Variants in SUPT5H observed in about 807,000 individuals in gnomAD.
The protein encoded by SUPT5H is SPT5 homolog, DSIF elongation factor subunit.
SUPT5H carries 24 observed loss-of-function variants against 142.5 expected under a neutral mutation model. The observed-to-expected ratio is 0.17, with a 90% CI of 0.12 to 0.24. The LOEUF (loss-of-function observed/expected upper bound fraction) is 0.24, where lower values mean the gene tolerates loss of function less well. Among genes scored for constraint, SUPT5H ranks in the 10% least tolerant of loss-of-function variants. The probability of loss-of-function intolerance (pLI) is 1.00; values close to 1 mark genes in which losing one functional copy is unlikely to be tolerated. For missense variants in SUPT5H, 893 were observed against 1,471.8 expected (o/e 0.61, Z 6.43); for synonymous variants, 546 against 553.0 (o/e 0.99, Z 0.18).
rs2079215916 is a variant in SUPT5H, at chr19:39,464,977, G to A, written c.804G>A (p.Lys268=). Residue 268 remains lysine (K), a synonymous_variant, in exon 11 of 30, where the codon AAG becomes AAA. Coordinates refer to ENST00000432763, the MANE Select transcript of SUPT5H (RefSeq NM_001111020.3). ...TGACAGACGTGCTCAAAGTGGTGAA[G>A]GAGGTGGCCAACCTGAAACCAAAGT... The part of the protein sequence containing the change: ...KEMTDVLKVV[K]EVANLKPKSW... 6.2e-7 allele frequency: 1 copy of A among 1,614,160 alleles called. No individual in the cohort carries two copies. Among genetic ancestry groups the A allele is most frequent in the African/African-American group, 1.3e-5 (1 of 74,950 alleles).
rs200417328 is a variant in SUPT5H, at chr19:39,472,844, C to G, written c.2070C>G (p.Gly690=). Residue 690 remains glycine (G), a synonymous_variant, in exon 22 of 30, where the codon GGC becomes GGG. Transcript: ENST00000432763. The surrounding 1 kb of genome is among the most constrained non-coding windows in gnomAD (Gnocchi z 4.2). The part of the protein sequence containing the change: ...QRGGFGSPGG[G]SGGMSRGRGR... ...GCGGCTTTGGTAGCCCAGGTGGCGGCAGTGGTGGCATGAGCAGGGGCCGGG... is the reference window on the plus strand; with the variant it reads ...GCGGCTTTGGTAGCCCAGGTGGCGGGAGTGGTGGCATGAGCAGGGGCCGGG... The G allele has an allele frequency of 6.2e-7, 1 of 1,613,580 alleles. No individual in the cohort carries two copies. The highest frequency in any genetic ancestry group is 2.2e-5 in the East Asian group (1 of 44,876).
In SUPT5H at chr19:39,472,544, G is replaced by T; in HGVS notation, c.2035+51G>T. The stretch of plus-strand genomic sequence containing the variant: ...TGTGGTGGGTAGAAGGGGCTGGAAG[G>T]AACTTGGTTGTTCAGCCTACACTCA... On this transcript the variant is annotated intron_variant, in intron 21 of 29. Coordinates refer to ENST00000432763, the MANE Select transcript of SUPT5H (RefSeq NM_001111020.3). This position sits in a 1 kb window ranked among gnomAD's most constrained non-coding sequence, Gnocchi z 4.2. 6.3e-7 allele frequency: 1 copy of T among 1,594,724 alleles called. No individual in the cohort carries two copies. Among genetic ancestry groups the T allele is most frequent in the Non-Finnish European group, 8.6e-7 (1 of 1,164,064 alleles).
At chr19:39,468,459 A>T in intron 13 of SUPT5H, 1 of 460,086 alleles carries the variant, frequency 2.2e-6, no homozygotes, top group Non-Finnish European at 4.0e-6. Flanking sequence ...TGAATGTTAC[A>T]TCCCTGACCT....
rs1006204393 is a variant in SUPT5H, at chr19:39,458,658, T to C, written c.320-160T>C. The C allele has an allele frequency of 2.7e-6, 2 of 744,270 alleles. No individual in the cohort carries two copies. Among genetic ancestry groups the C allele is most frequent in the Non-Finnish European group, 4.3e-6 (2 of 459,816 alleles). The allele number at this position is 744,270 out of a possible 1,614,324, so 46.1% of individuals were successfully genotyped here. ...TTTTGACAAGAAGCAGGATGCTGAG[T>C]AGGACAGAGTAGGGGATGAGGGGTT... On this transcript the variant is annotated intron_variant, in intron 5 of 29. Transcript: ENST00000432763. This position sits in a 1 kb window ranked among gnomAD's most constrained non-coding sequence, Gnocchi z 4.2.
chr19:39,473,768 G>A lies in SUPT5H; in HGVS notation c.2493-195G>A, dbSNP rs1290948270. ...TGGAGAAAGACTGCCTGGGTGGAGTGACCTTGGGAGGGCACCCTCATCTCT... is the reference window on the plus strand; with the variant it reads ...TGGAGAAAGACTGCCTGGGTGGAGTAACCTTGGGAGGGCACCCTCATCTCT... On this transcript the variant is annotated intron_variant, in intron 25 of 29. Coordinates refer to ENST00000432763, the MANE Select transcript of SUPT5H (RefSeq NM_001111020.3). The surrounding 1 kb of genome is among the most constrained non-coding windows in gnomAD (Gnocchi z 5.8). Among the ~76,000 whole-genome samples the A allele has an allele frequency of 6.6e-6, 1 of 152,162 alleles. No homozygotes were observed. Among genetic ancestry groups the A allele is most frequent in the African/African-American group, 2.4e-5 (1 of 41,426 alleles).
At chr19:39,475,816 A>C in intron 28 of SUPT5H, 1 of 481,022 alleles carries the variant, frequency 2.1e-6, no homozygotes, top group South Asian at 2.6e-5. Flanking sequence ...CGCTGAGGCC[A>C]GTTTGGGACA....
chr19:39,449,035 A>G (rs1446884962), intron 2 of SUPT5H, among the ~76,000 whole-genome samples: 1 of 143,894 alleles, frequency 6.9e-6, no homozygotes, highest in East Asian at 2.4e-4. Context: ...GCTTGCAGTG[A>G]GCAGAGATCG....
In SUPT5H at chr19:39,471,437, C is replaced by T. The variant is rs910845597; in HGVS notation, c.1758C>T (p.Ala586=). The stretch of plus-strand genomic sequence containing the variant: ...AGAAGGACAACCGCTTTGCTGTGGC[C>T]TTGGACTCAGAGCAGAACAACATCC... The part of the protein sequence containing the change: ...TRKKDNRFAV[A]LDSEQNNIHV... Residue 586 remains alanine, a synonymous_variant, in exon 19 of 30, where the codon GCC becomes GCT. Transcript: ENST00000432763. The T allele has an allele frequency of 6.2e-6, 10 of 1,614,098 alleles. No homozygotes were observed. The African/African-American group carries it at 1.3e-4, about 22-fold the overall frequency.
At chr19:39,451,694 G>A (rs550350781) in intron 2 of SUPT5H, among the ~76,000 whole-genome samples, 1 of 152,098 alleles carries the variant, frequency 6.6e-6, no homozygotes, top group East Asian at 1.9e-4. Context: ...ACCGTGCTGG[G>A]CTAGCTTTTG....
chr19:39,451,366 T>G (rs1397329460), intron 2 of SUPT5H, among the ~76,000 whole-genome samples: 1 of 151,752 alleles, frequency 6.6e-6, no homozygotes, highest in Non-Finnish European at 1.5e-5. Context: ...TTTTTTTTTT[T>G]TGTATTTTTA....
At position 39,466,592 on chromosome 19, in the gene SUPT5H, T is replaced by TG. The variant is rs57236251; in HGVS notation, c.966+30dup. On this transcript the variant is annotated intron_variant, in intron 12 of 29. Transcript: ENST00000432763. This position sits in a 1 kb window ranked among gnomAD's most constrained non-coding sequence, Gnocchi z 4.3. Reference sequence around the variant, plus strand: ...TTGGTACTCAGGGGAATCTGTGGCCTGGGGGGGAGGGAGTGTGCTCGATCC... The same window carrying TG: ...TTGGTACTCAGGGGAATCTGTGGCCTGGGGGGGGAGGGAGTGTGCTCGATCC... 11 of 1,613,494 alleles carry TG rather than the reference T, an allele frequency of 6.8e-6. No homozygotes were observed. The African/African-American group carries it at 1.1e-4, about 16-fold the overall frequency.
chr19:39,469,190 A>G lies in SUPT5H; in HGVS notation c.1237+18A>G. ...GAGCACAGGTATTTGATCCCCCTCT[A>G]TAACCTGGGCCAAGGAGCAGGGGCG... On this transcript the variant is annotated intron_variant, in intron 15 of 29. Transcript: ENST00000432763. The surrounding 1 kb of genome is among the most constrained non-coding windows in gnomAD (Gnocchi z 5.1). 1 of 1,614,214 alleles carries G rather than the reference A, an allele frequency of 6.2e-7. No individual in the cohort carries two copies. The highest frequency in any genetic ancestry group is 1.3e-5 in the African/African-American group (1 of 75,056).
chr19:39,469,871 G>T lies in SUPT5H; in HGVS notation c.1375-248G>T. On this transcript the variant is annotated intron_variant, in intron 16 of 29. Coordinates refer to ENST00000432763, the MANE Select transcript of SUPT5H (RefSeq NM_001111020.3). The surrounding 1 kb of genome is among the most constrained non-coding windows in gnomAD (Gnocchi z 5.1). ...GGGGCAGGCTCTCTGTGTGGGTATAGGTAGGCATCGTGTGTCTTGAGGGCG... is the reference window on the plus strand; with the variant it reads ...GGGGCAGGCTCTCTGTGTGGGTATATGTAGGCATCGTGTGTCTTGAGGGCG... 1 of 527,998 alleles carries T rather than the reference G, an allele frequency of 1.9e-6. No homozygotes were observed. The allele number at this position is 527,998 out of a possible 1,614,324, so 32.7% of individuals were successfully genotyped here. A position where few individuals can be genotyped will look rare whatever the true frequency, so the allele number is the denominator to read the frequency against.
chr19:39,460,592 G>C (rs569134867), intron 10 of SUPT5H, among the ~76,000 whole-genome samples: 61 of 152,246 alleles, frequency 4.0e-4, no homozygotes, highest in African/African-American at 1.4e-3. Flanking sequence ...ACAAAACTCA[G>C]CTGGGCGTGG....
At position 39,448,585 on chromosome 19, in the gene SUPT5H, C is replaced by T. The variant is rs1227663357; in HGVS notation, c.75+2620C>T. Among the ~76,000 whole-genome samples, 5 of 152,072 alleles carry T rather than the reference C, an allele frequency of 3.3e-5. 1 individual carries two copies. The highest frequency in any genetic ancestry group is 3.3e-4 in the Admixed American group (5 of 15,258). On this transcript the variant is annotated intron_variant, in intron 2 of 29. Coordinates refer to ENST00000432763, the MANE Select transcript of SUPT5H (RefSeq NM_001111020.3). ...CCCCCCACCCCCGCCGCTGGCTCCT[C>T]TTCAGTTACCAGGTGAGGCAAGAGG...
In SUPT5H at chr19:39,470,711, C is replaced by CT. The variant is rs2079307608; in HGVS notation, c.1677+188_1677+189insT. Among the ~76,000 whole-genome samples the CT allele has an allele frequency of 6.6e-6, 1 of 152,184 alleles. No homozygotes were observed. The highest frequency in any genetic ancestry group is 2.1e-4 in the South Asian group (1 of 4,832). ...TGATCCCTCCCCTTGCCTGTTTTCA[C>CT]ACCCTATAAAATGGAAACGAGAGCA... On this transcript the variant is annotated intron_variant, in intron 18 of 29. Coordinates refer to ENST00000432763, the MANE Select transcript of SUPT5H (RefSeq NM_001111020.3). The surrounding 1 kb of genome is among the most constrained non-coding windows in gnomAD (Gnocchi z 5.8).
At chr19:39,468,435 T>G in intron 13 of SUPT5H, 1 of 399,474 alleles carries the variant, frequency 2.5e-6, no homozygotes, top group Non-Finnish European at 4.7e-6. Context: ...GGCACTATTC[T>G]TGGTGAAATT....
rs768599558 is a variant in SUPT5H, at chr19:39,466,725, G to A, written c.1017G>A (p.Leu339=). Residue 339 remains leucine, a synonymous_variant, in exon 13 of 30, where the codon CTG becomes CTA. Transcript: ENST00000432763. The surrounding 1 kb of genome is among the most constrained non-coding windows in gnomAD (Gnocchi z 4.3). ...AGTTTAAGCGGCCTCCACAGAGGCT[G>A]TTTGATGCTGAGAAGATCAGGTGCG... The part of the protein sequence containing the change: ...RKKFKRPPQR[L]FDAEKIRSLG... The A allele has an allele frequency of 6.2e-7, 1 of 1,614,242 alleles. No individual in the cohort carries two copies.
chr19:39,473,341 G>C lies in SUPT5H; in HGVS notation c.2386+11G>C. On this transcript the variant is annotated intron_variant, in intron 24 of 29. Coordinates refer to ENST00000432763, the MANE Select transcript of SUPT5H (RefSeq NM_001111020.3). This position sits in a 1 kb window ranked among gnomAD's most constrained non-coding sequence, Gnocchi z 5.8. The stretch of plus-strand genomic sequence containing the variant: ...CACCCCTCCAGGATGGTGAGTGCCC[G>C]CAGGGGACAGGGAAGAGGGGCTAGG... 6.2e-7 allele frequency: 1 copy of C among 1,613,600 alleles called. No homozygotes were observed. The highest frequency in any genetic ancestry group is 1.1e-5 in the South Asian group (1 of 91,084).
Sources: gnomAD v4.1 joint callset for allele counts (sites outside exome capture counted in the v4.1 genomes callset) on GRCh38, gnomAD v4.1.1 for gene constraint, Gnocchi (gnomAD v3.1) non-coding constraint, MANE v1.5 for transcripts, NCBI Gene and HGNC (gene_info 2026-07-23, HGNC 2026-07-21) for gene names.